The following PDE10A variants were observed in gnomAD, a reference collection of about 807,000 sequenced individuals.
PDE10A encodes the protein phosphodiesterase 10A, also known as cAMP and cAMP-inhibited cGMP 3',5'-cyclic phosphodiesterase 10A.
PDE10A carries 39 observed loss-of-function variants against 97.7 expected under a neutral mutation model. The observed-to-expected ratio is 0.40, with a 90% CI of 0.31 to 0.52. The LOEUF is 0.52. Among genes scored for constraint, PDE10A ranks in the 20% least tolerant of loss-of-function variants. The probability of loss-of-function intolerance (pLI) is 0.56; values close to 1 mark genes in which losing one functional copy is unlikely to be tolerated. For synonymous variants in PDE10A, 371 were observed against 376.8 expected (o/e 0.98, Z 0.18); for missense variants, 731 against 1,047.8 (o/e 0.70, Z 4.17).
At chr6:165,730,515 C>G (rs1792403237) in intron 1 of PDE10A, among the ~76,000 whole-genome samples, 1 of 151,460 alleles carries the variant, frequency 6.6e-6, no homozygotes, top group Non-Finnish European at 1.5e-5. Context: ...ACTTTGGGAG[C>G]TGGAGGTGGG....
intron 1 of PDE10A, among the ~76,000 whole-genome samples, chr6:165,650,841 G>A (rs561221830): frequency 1.7e-4 from 26 of 151,862 alleles, no homozygotes; most frequent in African/African-American, 5.3e-4. Context: ...GGGTTCAAGC[G>A]ATTCTCCTGC....
At chr6:165,497,447 T>A (rs1180841943) in intron 2 of PDE10A, among the ~76,000 whole-genome samples, 1 of 152,188 alleles carries the variant, frequency 6.6e-6, no homozygotes, top group Non-Finnish European at 1.5e-5. Flanking sequence ...GAAATATGAA[T>A]ATATATACTA....
chr6:165,879,548 C>G (rs1195075816), intron 1 of PDE10A, among the ~76,000 whole-genome samples: 1 of 152,186 alleles, frequency 6.6e-6, no homozygotes, highest in African/African-American at 2.4e-5. Context: ...AGCAAGGTCC[C>G]TACAGCCATC....
At chr6:165,802,792 T>G (rs765280405) in intron 1 of PDE10A, among the ~76,000 whole-genome samples, 15 of 152,144 alleles carry the variant, frequency 9.9e-5, no homozygotes, top group African/African-American at 1.4e-4. Context: ...CCTCTCCCTA[T>G]CCAAATTCTA....
At chr6:165,794,493 TAC>T (rs1394067761) in intron 1 of PDE10A, among the ~76,000 whole-genome samples, 1 of 148,864 alleles carries the variant, frequency 6.7e-6, no homozygotes, top group Non-Finnish European at 1.5e-5. Flanking sequence ...TTACACACAC[TAC>T]ACACTCACAT....
At chr6:165,887,002 A>G (rs140118462) in intron 1 of PDE10A, among the ~76,000 whole-genome samples, 1 of 152,356 alleles carries the variant, frequency 6.6e-6, no homozygotes, top group Admixed American at 6.5e-5. Context: ...TTCCTATAGT[A>G]AGAGGACAAA....
chr6:165,666,462 A>G (rs372470872), upstream of PDE10A, among the ~76,000 whole-genome samples: 135 of 152,334 alleles, frequency 8.9e-4, no homozygotes, highest in Middle Eastern at 0.02. Flanking sequence ...CCCAAGCTCA[A>G]TAAAATTATG....
intron 18 of PDE10A, among the ~76,000 whole-genome samples, chr6:165,377,473 T>A (rs926963082): frequency 2.0e-5 from 3 of 152,186 alleles, no homozygotes; most frequent in Non-Finnish European, 4.4e-5. Flanking sequence ...AAGTTATATG[T>A]CAAAAATTAT....
chr6:165,642,976 A>C (rs9348025), intron 1 of PDE10A, among the ~76,000 whole-genome samples: 24,343 of 152,014 alleles, frequency 0.16, 2,182 homozygotes, highest in South Asian at 0.25. Flanking sequence ...GGAATAGTTC[A>C]CTCAGTCCAT....
chr6:165,987,730 C>T, exon 1 of PDE10A: 1 of 456,682 alleles, frequency 2.2e-6, no homozygotes, highest in Non-Finnish European at 4.4e-6. Context: ...CCACCACGCT[C>T]GCGCGCTCCG....
At chr6:165,408,332 G>A (rs1334987489) in intron 13 of PDE10A, among the ~76,000 whole-genome samples, 3 of 152,212 alleles carry the variant, frequency 2.0e-5, no homozygotes, top group Non-Finnish European at 4.4e-5. Flanking sequence ...GGAACCCGCA[G>A]ATGTGATTGT....
intron 1 of PDE10A, among the ~76,000 whole-genome samples, chr6:165,686,130 GAC>G (rs57547290): frequency 0.066 from 9,580 of 145,250 alleles, 452 homozygotes; most frequent in East Asian, 0.19. Context: ...AATGTGCATG[GAC>G]ACACACACAC....
At chr6:165,340,996 G>A (rs1781939758) in intron 19 of PDE10A, among the ~76,000 whole-genome samples, 1 of 152,200 alleles carries the variant, frequency 6.6e-6, no homozygotes, top group Non-Finnish European at 1.5e-5. Context: ...AAGCAACCTG[G>A]CACCAAAGAC....
rs1323885005 is a variant in PDE10A, at chr6:165,388,021, T to A, written c.2610+277A>T. ...CTATATAATTAATTGATTTAAACTA[T>A]GTAAAATAAGTATTGCTTTAGGGTT... On this transcript the variant is annotated intron_variant, in intron 17 of 21. Transcript: ENST00000539869. The surrounding 1 kb of genome is among the most constrained non-coding windows in gnomAD (Gnocchi z 4.0). Among the ~76,000 whole-genome samples the A allele has an allele frequency of 6.6e-6, 1 of 152,222 alleles. No homozygotes were observed. The highest frequency in any genetic ancestry group is 1.5e-5 in the Non-Finnish European group (1 of 68,030).
chr6:165,743,466 A>G (rs915864001), intron 1 of PDE10A, among the ~76,000 whole-genome samples: 12 of 152,214 alleles, frequency 7.9e-5, no homozygotes, highest in African/African-American at 2.9e-4. Context: ...GCATGCCTTC[A>G]TCACACAAAG....
intron 1 of PDE10A, among the ~76,000 whole-genome samples, chr6:165,953,361 C>A (rs558612105): frequency 6.6e-6 from 1 of 152,118 alleles, no homozygotes; most frequent in Admixed American, 6.5e-5. Flanking sequence ...GAGGCCGAGG[C>A]GGGCGAATCA....
chr6:165,974,117 G>A (rs1784778710), intron 1 of PDE10A, among the ~76,000 whole-genome samples: 1 of 152,192 alleles, frequency 6.6e-6, no homozygotes. Flanking sequence ...CTAGAGGAGA[G>A]CTTCTTATCA....
chr6:165,467,221 T>C (rs1327629331), intron 3 of PDE10A, among the ~76,000 whole-genome samples: 2 of 152,170 alleles, frequency 1.3e-5, no homozygotes, highest in Non-Finnish European at 2.9e-5. Context: ...AGAAGTGCAA[T>C]GTGAAGCAGC....
chr6:165,458,118 T>C (rs1778069892), intron 3 of PDE10A, among the ~76,000 whole-genome samples: 1 of 152,236 alleles, frequency 6.6e-6, no homozygotes, highest in South Asian at 2.1e-4. Flanking sequence ...TCATCATTTT[T>C]TATATTATTC....
Sources: gnomAD v4.1 joint callset for allele counts (sites outside exome capture counted in the v4.1 genomes callset) on GRCh38, gnomAD v4.1.1 for gene constraint, Gnocchi (gnomAD v3.1) non-coding constraint, MANE v1.5 for transcripts, NCBI Gene and HGNC (gene_info 2026-07-23, HGNC 2026-07-21) for gene names.